CLU: variants seen among roughly 807,000 people sequenced by gnomAD.
CLU encodes clusterin, also known as aging-associated protein 4.
In CLU, 25 loss-of-function variants were observed where a neutral mutation model predicts 46.4. The ratio of observed to expected loss-of-function variants is 0.54; its 90% CI spans 0.39 to 0.75. CLU has a LOEUF of 0.75. CLU is among the 30% of genes least tolerant of loss of function. The pLI, the probability that CLU is intolerant of heterozygous loss-of-function variation, is 0.00. For synonymous variants in CLU, 235 were observed against 235.1 expected, an observed-to-expected ratio of 1.00 and a Z score of 0.00; for missense variants, 504 against 592.1, an observed-to-expected ratio of 0.85 and a Z score of 1.54.
chr8:27,612,852 C>T (rs1800953318), intron 1 of CLU, among the ~76,000 whole-genome samples: 1 of 151,708 alleles, frequency 6.6e-6, no homozygotes. Context: ...CCTCATTCTC[C>T]CTAAGAAGGC....
In CLU at chr8:27,599,410, CAG is replaced by C. The variant is rs1800675584; in HGVS notation, c.1164+368_1164+369del. ...CTAATTCATAAGCCATTTTACATGC[CAG>C]AGGGCAGCCTTGTAGCTTTGAGAAA... On this transcript the variant is annotated intron_variant, in intron 7 of 8. Transcript: ENST00000316403. The surrounding 1 kb of genome is among the most constrained non-coding windows in gnomAD (Gnocchi z 4.0). The C allele has an allele frequency of 3.6e-6, 1 of 277,520 alleles. No homozygotes were observed. The highest frequency in any genetic ancestry group is 7.0e-6 in the Non-Finnish European group (1 of 143,398). The allele number at this position is 277,520 out of a possible 1,614,324, so 17.2% of individuals were successfully genotyped here. A position where few individuals can be genotyped will look rare whatever the true frequency, so the allele number is the denominator to read the frequency against.
At position 27,600,000 on chromosome 8, in the gene CLU, G is replaced by A; in HGVS notation, c.944C>T (p.Thr315Ile). ...CREILSVDCS[T>I]NNPSQAKLRR... ...CAGCTTAGCCTGGGAGGGGTTGTTG[G>A]TGGAACAGTCTGCCCAGAGATGGAA... Residue 315 changes from threonine to isoleucine, a missense_variant, in exon 7 of 9, where the codon ACC becomes ATC. Coordinates refer to ENST00000316403, the MANE Select transcript of CLU (RefSeq NM_001831.4). This position sits in a 1 kb window ranked among gnomAD's most constrained non-coding sequence, Gnocchi z 4.0. 1 of 1,614,010 alleles carries A rather than the reference G, an allele frequency of 6.2e-7. No individual in the cohort carries two copies. The highest frequency in any genetic ancestry group is 8.5e-7 in the Non-Finnish European group (1 of 1,179,886).
Position 27,598,242 on chromosome 8 carries a change from C to T in CLU, c.1349G>A (p.Ter450=), listed in dbSNP as rs759248863. The T allele has an allele frequency of 3.6e-5, 58 of 1,613,868 alleles. No individual in the cohort carries two copies. Among genetic ancestry groups the T allele is most frequent in the Non-Finnish European group, 4.8e-5 (57 of 1,179,950 alleles). The change falls in exon 9 of 9, where the codon TGA becomes TAA. Residue 450 remains the stop codon, a stop_retained_variant. Coordinates refer to ENST00000316403, the MANE Select transcript of CLU (RefSeq NM_001831.4). ...QEYRKKHREE[*] Reference sequence around the variant, plus strand: ...AGGTGCAAAAGCAACATCCACATCTCACTCCTCCCTGAAATAAAAAACAGT... The same window carrying T: ...AGGTGCAAAAGCAACATCCACATCTTACTCCTCCCTGAAATAAAAAACAGT...
chr8:27,610,187 G>T (rs527310504), intron 2 of CLU, among the ~76,000 whole-genome samples: 5 of 152,332 alleles, frequency 3.3e-5, no homozygotes, highest in African/African-American at 1.2e-4. Context: ...AGGCCTGGGA[G>T]CTGGGCTAAG....
chr8:27,602,835 C>T (rs986107980), intron 6 of CLU, among the ~76,000 whole-genome samples: 18 of 152,076 alleles, frequency 1.2e-4, no homozygotes, highest in South Asian at 2.1e-4. Flanking sequence ...GAGGCCGAGG[C>T]GGGCAGATTA....
rs181978611 is a variant in CLU at position 27,597,002 on chromosome 8, A to G, written c.*1239T>C. ...CACTTAAGCAAATACCTCTGACCCC[A>G]TAATTCTAATTAATGTATATCATTA... On this transcript the variant is annotated 3_prime_UTR_variant, in exon 9 of 9. Transcript: ENST00000316403. 5.4e-4 allele frequency: 246 copies of G among 454,144 alleles called. 2 individuals are homozygous for G. The East Asian group carries it at 0.016, about 29-fold the overall frequency. The allele number at this position is 454,144 out of a possible 1,614,324, so 28.1% of individuals were successfully genotyped here.
rs1463144912 is a variant in CLU, at chr8:27,611,725, C to T, written c.-29-1125G>A. 1.1e-5 allele frequency: 5 copies of T among 457,702 alleles called. No homozygotes were observed. In the Admixed American group the frequency reaches 1.2e-4, roughly 11 times the overall value. 28.4% of individuals were successfully genotyped at this position (457,702 alleles called of 1,614,324 possible). A position where few individuals can be genotyped will look rare whatever the true frequency, so the allele number is the denominator to read the frequency against. On this transcript the variant is annotated intron_variant, in intron 1 of 8. Transcript: ENST00000316403. ...AGTAGCACATTAACAAGGAGTGCCT[C>T]TCATGAGAAGTAATCAGGCGCAAAG...
Position 27,597,514 on chromosome 8 carries a change from C to T in CLU, c.*727G>A, listed in dbSNP as rs9331944. 6.6e-6 allele frequency: 3 copies of T among 454,190 alleles called. No homozygotes were observed. Among genetic ancestry groups the T allele is most frequent in the South Asian group, 3.1e-5 (2 of 64,482 alleles). The allele number at this position is 454,190 out of a possible 1,614,324, so 28.1% of individuals were successfully genotyped here. ...AAATCAACAGCTTTTACAAATAAAACCGCTGCAAAAGCAATAGCTCTTACA... is the reference window on the plus strand; with the variant it reads ...AAATCAACAGCTTTTACAAATAAAATCGCTGCAAAAGCAATAGCTCTTACA... On this transcript the variant is annotated 3_prime_UTR_variant, in exon 9 of 9. Coordinates refer to ENST00000316403, the MANE Select transcript of CLU (RefSeq NM_001831.4).
intron 6 of CLU, among the ~76,000 whole-genome samples, chr8:27,601,156 C>A (rs1800713990): frequency 6.6e-6 from 1 of 152,358 alleles, no homozygotes; most frequent in South Asian, 2.1e-4. Context: ...TCAAGCAATT[C>A]TCCTGCCTCA....
At position 27,607,339 on chromosome 8, in the gene CLU, A is replaced by AAAAACAAAACAAAACAAAAC. The variant is rs6150518; in HGVS notation, c.247-835_247-816dup. ...GTGACAGAGCAAGACTCTGTCTCAA[A>AAAAACAAAACAAAACAAAAC]AAAACAAAACAAAACAAAACAAAAC... On this transcript the variant is annotated intron_variant, in intron 3 of 8. Transcript: ENST00000316403. 2.0e-5 allele frequency among the ~76,000 whole-genome samples: 3 copies of AAAAACAAAACAAAACAAAAC among 148,702 alleles called. 1 individual carries two copies. Among genetic ancestry groups the AAAAACAAAACAAAACAAAAC allele is most frequent in the African/African-American group, 7.5e-5 (3 of 39,992 alleles).
chr8:27,598,179 A>T lies in CLU; in HGVS notation c.*62T>A. 1 of 1,580,328 alleles carries T rather than the reference A, an allele frequency of 6.3e-7. No homozygotes were observed. Among genetic ancestry groups the T allele is most frequent in the Non-Finnish European group, 8.7e-7 (1 of 1,150,560 alleles). Reference sequence around the variant, plus strand: ...TGCAGAGCTCTCTCTGGGGGGCTGCAGCTCATCTTGGGGGGAGCTGGACTC... The same window carrying T: ...TGCAGAGCTCTCTCTGGGGGGCTGCTGCTCATCTTGGGGGGAGCTGGACTC... On this transcript the variant is annotated 3_prime_UTR_variant, in exon 9 of 9. Coordinates refer to ENST00000316403, the MANE Select transcript of CLU (RefSeq NM_001831.4).
In CLU at chr8:27,599,415, G is replaced by A. The variant is rs1394895602; in HGVS notation, c.1164+365C>T. ...TCATAAGCCATTTTACATGCCAGAG[G>A]GCAGCCTTGTAGCTTTGAGAAAAGA... On this transcript the variant is annotated intron_variant, in intron 7 of 8. Transcript: ENST00000316403. The surrounding 1 kb of genome is among the most constrained non-coding windows in gnomAD (Gnocchi z 4.0). 1 of 288,486 alleles carries A rather than the reference G, an allele frequency of 3.5e-6. No homozygotes were observed. The allele number at this position is 288,486 out of a possible 1,614,324, so 17.9% of individuals were successfully genotyped here.
intron 5 of CLU, 29 bp downstream of exon 5, chr8:27,604,895 A>G (rs1800787534): frequency 3.1e-6 from 5 of 1,613,616 alleles, no homozygotes; most frequent in South Asian, 1.1e-5. Flanking sequence ...GAGTTGCTCA[A>G]AAGGCCATGA....
In CLU at chr8:27,600,023, G is replaced by A. The variant is rs1208100631; in HGVS notation, c.935-14C>T. ...TGGTGGAACAGTCTGCCCAGAGATGGAAGAAACGCAAGTGAGAAGTGTGAA... is the reference window on the plus strand; with the variant it reads ...TGGTGGAACAGTCTGCCCAGAGATGAAAGAAACGCAAGTGAGAAGTGTGAA... On this transcript the variant is annotated splice_polypyrimidine_tract_variant and intron_variant, in intron 6 of 8. Transcript: ENST00000316403. 6.2e-7 allele frequency: 1 copy of A among 1,603,370 alleles called. No individual in the cohort carries two copies. The highest frequency in any genetic ancestry group is 1.1e-5 in the South Asian group (1 of 90,834).
At position 27,606,543 on chromosome 8, in the gene CLU, C is replaced by T. The variant is rs1173155388; in HGVS notation, c.247-19G>A. The T allele has an allele frequency of 1.2e-6, 2 of 1,613,954 alleles. No homozygotes were observed. Among genetic ancestry groups the T allele is most frequent in the Admixed American group, 3.3e-5 (2 of 60,028 alleles). On this transcript the variant is annotated intron_variant, in intron 3 of 8. Coordinates refer to ENST00000316403, the MANE Select transcript of CLU (RefSeq NM_001831.4). ...GGGCATCCTACAGGAAGACACAAGG[C>T]TGGCTGAGCCACACAGAGACCACAG...
intron 6 of CLU, among the ~76,000 whole-genome samples, chr8:27,603,627 G>T (rs1428435797): frequency 6.6e-6 from 1 of 152,158 alleles, no homozygotes; most frequent in African/African-American, 2.4e-5. Context: ...CTTTGCCTAG[G>T]GGACCAACCA....
At position 27,597,950 on chromosome 8, in the gene CLU, T is replaced by A; in HGVS notation, c.*291A>T. On this transcript the variant is annotated 3_prime_UTR_variant, in exon 9 of 9. Transcript: ENST00000316403. The stretch of plus-strand genomic sequence containing the variant: ...TGCCCCCCATAGCAAAATGAAGGCA[T>A]GCCGGGAAGCAGCAACTCAACATAA... 1.6e-6 allele frequency: 1 copy of A among 631,362 alleles called. No homozygotes were observed. Among genetic ancestry groups the A allele is most frequent in the Non-Finnish European group, 2.9e-6 (1 of 342,814 alleles). 39.1% of individuals were successfully genotyped at this position (631,362 alleles called of 1,614,324 possible).
intron 6 of CLU, among the ~76,000 whole-genome samples, chr8:27,601,105 A>G (rs1053737596): frequency 6.6e-6 from 1 of 152,034 alleles, no homozygotes. Flanking sequence ...CTGGAGTGCA[A>G]TGGCGCGAGC....
At chr8:27,601,036 T>C (rs1800711507) in intron 6 of CLU, among the ~76,000 whole-genome samples, 1 of 152,218 alleles carries the variant, frequency 6.6e-6, no homozygotes, top group African/African-American at 2.4e-5. Context: ...TCTGTGGTTC[T>C]GGACAATCCT....
Sources: allele counts gnomAD v4.1 joint callset (sites outside exome capture counted in the v4.1 genomes callset), GRCh38; gene constraint gnomAD v4.1.1; non-coding constraint Gnocchi (gnomAD v3.1); transcripts MANE v1.5; gene names NCBI Gene and HGNC (gene_info 2026-07-23, HGNC 2026-07-21).